AOPEP: variants seen among roughly 807,000 people sequenced by gnomAD.
The protein encoded by AOPEP is aminopeptidase O.
In AOPEP, 77 loss-of-function variants were observed where a neutral mutation model predicts 98.1. The observed-to-expected ratio is 0.78, with a 90% confidence interval of 0.65 to 0.95. AOPEP has a LOEUF of 0.95. Among genes scored for constraint, AOPEP ranks in the 40% least tolerant of loss-of-function variants. The probability of loss-of-function intolerance (pLI) is 0.00; values close to 1 mark genes in which losing one functional copy is unlikely to be tolerated. For synonymous variants in AOPEP, 346 were observed against 365.3 expected, an observed-to-expected ratio of 0.95 and a Z score of 0.60; for missense variants, 1,024 against 1,024.7, an observed-to-expected ratio of 1.00 and a Z score of 0.01.
At chr9:94,752,079 G>A (rs1181804294) in intron 1 of AOPEP, among the ~76,000 whole-genome samples, 1 of 151,808 alleles carries the variant, frequency 6.6e-6, no homozygotes, top group Non-Finnish European at 1.5e-5. Context: ...TGTGGAGAGA[G>A]GTCTTCCTAT....
chr9:94,772,143 A>G (rs144813910), intron 2 of AOPEP, among the ~76,000 whole-genome samples: 104 of 152,304 alleles, frequency 6.8e-4, no homozygotes, highest in African/African-American at 2.3e-3. Flanking sequence ...AAAACTACAT[A>G]TTTGTCATTT....
chr9:94,761,234 CGAG>C lies in AOPEP; in HGVS notation c.797+658_797+660del, dbSNP rs3839898. Among the ~76,000 whole-genome samples, 74 of 152,218 alleles carry C rather than the reference CGAG, an allele frequency of 4.9e-4. No homozygotes were observed. The East Asian group carries it at 0.013, about 26-fold the overall frequency. On this transcript the variant is annotated intron_variant, in intron 2 of 16. Coordinates refer to ENST00000375315, the MANE Select transcript of AOPEP (RefSeq NM_001193329.3). The stretch of plus-strand genomic sequence containing the variant: ...CCAGAAAGACCGCTGGGTTTTCGTT[CGAG>C]GAGAAGGAATTGATGGAGGTGTCGT...
intron 11 of AOPEP, among the ~76,000 whole-genome samples, chr9:94,981,282 A>G (rs1172686159): frequency 6.6e-6 from 1 of 152,164 alleles, no homozygotes; most frequent in Non-Finnish European, 1.5e-5. Context: ...CCTCTGAGCT[A>G]TACATTTTTT....
intron 5 of AOPEP, among the ~76,000 whole-genome samples, chr9:94,859,476 A>T (rs1187997402): frequency 6.6e-6 from 1 of 152,128 alleles, no homozygotes; most frequent in Non-Finnish European, 1.5e-5. Context: ...AATCTGACTA[A>T]CTCAAGATCC....
intron 11 of AOPEP, among the ~76,000 whole-genome samples, chr9:94,987,140 G>C (rs1162199592): frequency 6.6e-6 from 1 of 152,242 alleles, no homozygotes; most frequent in Non-Finnish European, 1.5e-5. Context: ...ATGATTCAAA[G>C]ATGAGAGAAA....
At chr9:95,127,306 C>A in the AOPEP span, 1 of 152,408 alleles carries the variant, frequency 6.6e-6, no homozygotes. Flanking sequence ...GAGATGATGC[C>A]AGATGAAAAT....
At chr9:94,864,356 C>G (rs999386361) in intron 5 of AOPEP, among the ~76,000 whole-genome samples, 1 of 152,146 alleles carries the variant, frequency 6.6e-6, no homozygotes. Context: ...TACTCAGTTG[C>G]TTATTATATG....
intron 11 of AOPEP, among the ~76,000 whole-genome samples, chr9:95,003,399 T>A (rs2061694134): frequency 6.6e-6 from 1 of 152,206 alleles, no homozygotes; most frequent in African/African-American, 2.4e-5. Context: ...TTTTAGTACA[T>A]CAATATTGAA....
At chr9:95,111,686 C>T in the AOPEP span, 1 of 1,611,354 alleles carries the variant, frequency 6.2e-7, no homozygotes, top group African/African-American at 1.3e-5. Flanking sequence ...AATTCTTCTT[C>T]CTTTGGGTTT....
At chr9:94,963,183 C>T (rs2058971115) in intron 9 of AOPEP, among the ~76,000 whole-genome samples, 1 of 152,058 alleles carries the variant, frequency 6.6e-6, no homozygotes, top group Non-Finnish European at 1.5e-5. Context: ...CCTCTACTAC[C>T]TCCCACCCCT....
chr9:95,134,921 C>A, the AOPEP span, among the ~76,000 whole-genome samples: 30 of 152,244 alleles, frequency 2.0e-4, no homozygotes, highest in African/African-American at 5.8e-4. Context: ...CTGCTTTAAC[C>A]ATTTTTCTGG....
chr9:94,757,315 CTG>C (rs1433576856), intron 1 of AOPEP, among the ~76,000 whole-genome samples: 10 of 152,246 alleles, frequency 6.6e-5, no homozygotes, highest in African/African-American at 2.4e-4. Context: ...AGAATTGCCT[CTG>C]TGGAGAGTAT....
At chr9:94,791,904 T>C (rs760795089) in intron 3 of AOPEP, among the ~76,000 whole-genome samples, 2 of 152,246 alleles carry the variant, frequency 1.3e-5, no homozygotes, top group Admixed American at 1.3e-4. Flanking sequence ...AATATACCAT[T>C]GTTAAATCAG....
chr9:94,973,728 C>G (rs1343298919), intron 10 of AOPEP, among the ~76,000 whole-genome samples: 1 of 152,240 alleles, frequency 6.6e-6, no homozygotes, highest in African/African-American at 2.4e-5. Context: ...ATACGCAGGA[C>G]TCGCAGTCAT....
chr9:94,911,612 C>A (rs778984852), intron 5 of AOPEP, among the ~76,000 whole-genome samples: 1 of 152,134 alleles, frequency 6.6e-6, no homozygotes, highest in African/African-American at 2.4e-5. Context: ...CTTTCACTTG[C>A]AATAGAAATG....
chr9:94,837,833 C>T (rs1483012560), intron 5 of AOPEP, among the ~76,000 whole-genome samples: 1 of 152,190 alleles, frequency 6.6e-6, no homozygotes. Flanking sequence ...TGAAAGCTTT[C>T]TCTCTGAGAA....
intron 5 of AOPEP, among the ~76,000 whole-genome samples, chr9:94,801,359 C>T (rs1230376012): frequency 2.0e-5 from 3 of 152,222 alleles, no homozygotes; most frequent in African/African-American, 7.2e-5. Flanking sequence ...AAGGTTATAG[C>T]ATCAGGCTCT....
chr9:95,109,437 C>G, the AOPEP span, among the ~76,000 whole-genome samples: 5 of 152,106 alleles, frequency 3.3e-5, no homozygotes, highest in East Asian at 9.6e-4. Context: ...GGTATGAACC[C>G]TTGCCTGATT....
chr9:95,090,902 G>A (rs1181337868), downstream of AOPEP, among the ~76,000 whole-genome samples: 4 of 152,202 alleles, frequency 2.6e-5, no homozygotes, highest in African/African-American at 9.6e-5. Flanking sequence ...TAGGCAAGGT[G>A]ACCTTGCCTG....
Sources: gnomAD v4.1 joint callset for allele counts (sites outside exome capture counted in the v4.1 genomes callset) on GRCh38, gnomAD v4.1.1 for gene constraint, MANE v1.5 for transcripts, NCBI Gene and HGNC (gene_info 2026-07-23, HGNC 2026-07-21) for gene names.